IGFBP4: variants seen among roughly 807,000 people sequenced by gnomAD.
IGFBP4 encodes insulin-like growth factor-binding protein 4.
Under a neutral mutation model 25.8 loss-of-function variants are expected in IGFBP4, and 9 were observed. The observed-to-expected ratio is 0.35, with a 90% CI of 0.21 to 0.61. The LOEUF (loss-of-function observed/expected upper bound fraction) is 0.61. Ranked by LOEUF, IGFBP4 falls within the 20% of genes least tolerant of loss-of-function variation. IGFBP4 has a pLI of 0.77. For synonymous variants in IGFBP4, 153 were observed against 153.9 expected, an observed-to-expected ratio of 0.99 and a Z score of 0.05; for missense variants, 315 against 365.3, an observed-to-expected ratio of 0.86 and a Z score of 1.12.
intron 1 of IGFBP4, among the ~76,000 whole-genome samples, chr17:40,448,391 T>C (rs975586210): frequency 6.6e-6 from 1 of 152,250 alleles, no homozygotes; most frequent in African/African-American, 2.4e-5. Context: ...AGGTTTCCCC[T>C]ATAGTCAGAT....
intron 1 of IGFBP4, among the ~76,000 whole-genome samples, chr17:40,446,389 G>A (rs993010600): frequency 6.6e-6 from 1 of 151,712 alleles, no homozygotes; most frequent in Non-Finnish European, 1.5e-5. Flanking sequence ...GCTGAGGAGG[G>A]TGAATCACCT....
intron 1 of IGFBP4, among the ~76,000 whole-genome samples, chr17:40,447,530 A>T (rs1055473970): frequency 3.9e-5 from 6 of 152,130 alleles, no homozygotes; most frequent in Non-Finnish European, 7.4e-5. Context: ...CAGTTATGTC[A>T]TGGGAACAAG....
rs1270659405 is a variant in IGFBP4 at position 40,448,912 on chromosome 17, A to T, written c.350-4073A>T. The stretch of plus-strand genomic sequence containing the variant: ...ATGTGGGTAAGGCACATGTGGATGA[A>T]TGTGTGTCTGGACACGTGATTGTTT... On this transcript the variant is annotated intron_variant, in intron 1 of 3. Transcript: ENST00000269593. Among the ~76,000 whole-genome samples, 7 of 152,130 alleles carry T rather than the reference A, an allele frequency of 4.6e-5. 1 individual carries two copies. The highest frequency in any genetic ancestry group is 4.6e-4 in the Admixed American group (7 of 15,274).
chr17:40,445,600 G>A (rs547921566), intron 1 of IGFBP4, among the ~76,000 whole-genome samples: 13 of 152,352 alleles, frequency 8.5e-5, no homozygotes, highest in African/African-American at 2.9e-4. Context: ...GGTAGGGAGA[G>A]ATGGGTCAGC....
intron 1 of IGFBP4, among the ~76,000 whole-genome samples, chr17:40,446,338 G>T (rs893277915): frequency 1.3e-5 from 2 of 151,454 alleles, no homozygotes; most frequent in South Asian, 2.1e-4. Flanking sequence ...AAAGTAGGCC[G>T]GGTGCAGTGG....
chr17:40,448,401 T>A (rs1196619949), intron 1 of IGFBP4, among the ~76,000 whole-genome samples: 2 of 152,250 alleles, frequency 1.3e-5, no homozygotes, highest in Middle Eastern at 3.2e-3. Context: ...TATAGTCAGA[T>A]GTCAACTGGC....
intron 1 of IGFBP4, among the ~76,000 whole-genome samples, chr17:40,448,542 A>G (rs2035664136): frequency 6.6e-6 from 1 of 152,230 alleles, no homozygotes; most frequent in African/African-American, 2.4e-5. Context: ...GGGAACCCAC[A>G]GGCATTGGAA....
chr17:40,444,926 CAGAG>C (rs1272915770), intron 1 of IGFBP4, among the ~76,000 whole-genome samples: 11,483 of 60,784 alleles, frequency 0.19, 822 homozygotes, highest in African/African-American at 0.25. Flanking sequence ...CACACACACA[CAGAG>C]ACAGAGAGAG....
At chr17:40,446,636 C>CA (rs1365491466) in intron 1 of IGFBP4, among the ~76,000 whole-genome samples, 4 of 151,352 alleles carry the variant, frequency 2.6e-5, no homozygotes, top group African/African-American at 7.3e-5. Flanking sequence ...AACAAATAAA[C>CA]AAAAAAAACA....
chr17:40,455,560 GCAACCTC>G (rs1332734206), intron 3 of IGFBP4, among the ~76,000 whole-genome samples: 4 of 151,608 alleles, frequency 2.6e-5, no homozygotes, highest in Non-Finnish European at 5.9e-5. Context: ...TCGGCTCACT[GCAACCTC>G]CATCTCCCGG....
At chr17:40,449,762 A>G (rs1205930840) in intron 1 of IGFBP4, among the ~76,000 whole-genome samples, 1 of 151,194 alleles carries the variant, frequency 6.6e-6, no homozygotes, top group Non-Finnish European at 1.5e-5. Flanking sequence ...AAAAAAAAAA[A>G]GGAGAGAGAG....
Position 40,445,939 on chromosome 17 carries a change from T to C in IGFBP4, c.349+1855T>C, listed in dbSNP as rs7223800. On this transcript the variant is annotated intron_variant, in intron 1 of 3. Coordinates refer to ENST00000269593, the MANE Select transcript of IGFBP4 (RefSeq NM_001552.3). Reference sequence around the variant, plus strand: ...AGGAATACCTCATCCTCTGGTTGGGTAGGAATACTCCATCCTGTAGTGGAG... The same window carrying C: ...AGGAATACCTCATCCTCTGGTTGGGCAGGAATACTCCATCCTGTAGTGGAG... Among the ~76,000 whole-genome samples the C allele has an allele frequency of 8.6e-4, 130 of 152,004 alleles. 2 individuals carry two copies. The highest frequency in any genetic ancestry group is 3.0e-3 in the African/African-American group (126 of 41,444).
intron 3 of IGFBP4, among the ~76,000 whole-genome samples, chr17:40,456,104 C>T (rs181631807): frequency 1.3e-5 from 2 of 152,252 alleles, no homozygotes; most frequent in African/African-American, 4.8e-5. Context: ...TTGGATCCAC[C>T]TCATAACTAT....
Position 40,453,830 on chromosome 17 carries a change from C to G in IGFBP4, c.508-98C>G. 1 of 890,560 alleles carries G rather than the reference C, an allele frequency of 1.1e-6. No homozygotes were observed. The highest frequency in any genetic ancestry group is 1.7e-6 in the Non-Finnish European group (1 of 598,826). The allele number at this position is 890,560 out of a possible 1,614,324, so 55.2% of individuals were successfully genotyped here. A position where few individuals can be genotyped will look rare whatever the true frequency, so the allele number is the denominator to read the frequency against. On this transcript the variant is annotated intron_variant, in intron 2 of 3. Transcript: ENST00000269593. The surrounding 1 kb of genome is among the most constrained non-coding windows in gnomAD (Gnocchi z 4.0). ...TGCCCAGCCCCTGGGGCTCAGGCCTCCTTTCGGGGCCTTCAGTTCTCACTT... is the reference window on the plus strand; with the variant it reads ...TGCCCAGCCCCTGGGGCTCAGGCCTGCTTTCGGGGCCTTCAGTTCTCACTT...
At chr17:40,446,310 T>TAAA (rs34843649) in intron 1 of IGFBP4, among the ~76,000 whole-genome samples, 1 of 134,020 alleles carries the variant, frequency 7.5e-6, no homozygotes, top group African/African-American at 2.8e-5. Flanking sequence ...CTCTATTTCG[T>TAAA]AAAAAAAAAA....
Position 40,456,461 on chromosome 17 carries a change from C to G in IGFBP4, c.655C>G (p.Leu219Val). The change falls in exon 4 of 4, where the codon CTG becomes GTG. Residue 219 changes from leucine (L) to valine (V), a missense_variant. By Grantham distance (32) the Leu-to-Val change is conservative (BLOSUM62 1). Transcript: ENST00000269593. ...CTTCTCTTGGCAGTGTCACCCAGCTCTGGATGGGCAGCGTGGCAAGTGCTG... is the reference window on the plus strand; with the variant it reads ...CTTCTCTTGGCAGTGTCACCCAGCTGTGGATGGGCAGCGTGGCAAGTGCTG... ...NFHPKQCHPA[L>V]DGQRGKCWCV... The G allele has an allele frequency of 6.2e-7, 1 of 1,614,076 alleles. No individual in the cohort carries two copies.
At chr17:40,444,754 A>G (rs2035630870) in intron 1 of IGFBP4, among the ~76,000 whole-genome samples, 1 of 151,752 alleles carries the variant, frequency 6.6e-6, no homozygotes, top group Admixed American at 6.6e-5. Flanking sequence ...GGCAGGTAGG[A>G]TTTGAGGTGG....
chr17:40,453,988 A>G lies in IGFBP4; in HGVS notation c.568A>G (p.Ser190Gly). Residue 190 changes from serine to glycine, a missense_variant, in exon 3 of 4, where the codon AGC (serine) becomes GGC (glycine). Ser to Gly is a moderately conservative substitution (Grantham distance 56). Coordinates refer to ENST00000269593, the MANE Select transcript of IGFBP4 (RefSeq NM_001552.3). This position sits in a 1 kb window ranked among gnomAD's most constrained non-coding sequence, Gnocchi z 4.0. ...GCTGGAGCGGCTGGCCGCTTCACAG[A>G]GCCGCACCCACGAGGACCTCTACAT... ...RALERLAASQ[S>G]RTHEDLYIIP... 6.2e-7 allele frequency: 1 copy of G among 1,613,516 alleles called. No homozygotes were observed. The highest frequency in any genetic ancestry group is 8.5e-7 in the Non-Finnish European group (1 of 1,179,844).
intron 1 of IGFBP4, among the ~76,000 whole-genome samples, chr17:40,444,944 G>C (rs77747265): frequency 0.077 from 5,654 of 73,196 alleles, 257 homozygotes; most frequent in African/African-American, 0.12. Flanking sequence ...GAGAGAGAGA[G>C]AGAGAGAGAG....
Sources: allele counts gnomAD v4.1 joint callset (sites outside exome capture counted in the v4.1 genomes callset), GRCh38; gene constraint gnomAD v4.1.1; non-coding constraint Gnocchi (gnomAD v3.1); transcripts MANE v1.5; gene names NCBI Gene and HGNC (gene_info 2026-07-23, HGNC 2026-07-21).